SDF4: variants seen among roughly 807,000 people sequenced by gnomAD.
SDF4 encodes the protein 45 kDa calcium-binding protein.
A neutral mutation model predicts 34.2 loss-of-function variants in SDF4; 22 were observed. The observed-to-expected ratio is 0.64, with a 90% CI of 0.46 to 0.92. The LOEUF (loss-of-function observed/expected upper bound fraction) is 0.92. SDF4 is among the 40% of genes least tolerant of loss of function. The probability of loss-of-function intolerance (pLI) is 0.00; values close to 1 mark genes in which losing one functional copy is unlikely to be tolerated. For missense variants in SDF4, 447 were observed against 499.9 expected (o/e 0.89, Z 1.01); for synonymous variants, 236 against 203.1 (o/e 1.16, Z -1.38).
chr1:1,221,136 C>T (rs1053022498), intron 4 of SDF4: 2 of 257,740 alleles, frequency 7.8e-6, no homozygotes, highest in Non-Finnish European at 7.7e-6. Context: ...ACGGACAGGA[C>T]CAAACTCCAG....
At position 1,217,843 on chromosome 1, in the gene SDF4, A is replaced by G; in HGVS notation, c.892-155T>C. 2.6e-6 allele frequency: 4 copies of G among 1,529,998 alleles called. No homozygotes were observed. Among genetic ancestry groups the G allele is most frequent in the Non-Finnish European group, 3.5e-6 (4 of 1,143,628 alleles). 94.8% of individuals were successfully genotyped at this position (1,529,998 alleles called of 1,614,324 possible). ...GAAGGGAGGCGGCACAAATGAAAAC[A>G]CAGGGCAGGGAGAAGCCGGGGGCCC... is the stretch of plus-strand genomic sequence containing the variant. On this transcript the variant is annotated intron_variant, in intron 6 of 6. Coordinates refer to ENST00000360001, the MANE Select transcript of SDF4 (RefSeq NM_016176.6). This position sits in a 1 kb window ranked among gnomAD's most constrained non-coding sequence, Gnocchi z 8.5.
At chr1:1,221,555 T>C (rs989426961) in intron 4 of SDF4, among the ~76,000 whole-genome samples, 1 of 151,946 alleles carries the variant, frequency 6.6e-6, no homozygotes, top group Non-Finnish European at 1.5e-5. Context: ...GAGGATAGAT[T>C]GAGCCCAGGA....
Position 1,218,603 on chromosome 1 carries a change from G to A in SDF4, c.746C>T (p.Pro249Leu). 6.2e-7 allele frequency: 1 copy of A among 1,613,992 alleles called. No individual in the cohort carries two copies. Among genetic ancestry groups the A allele is most frequent in the Non-Finnish European group, 8.5e-7 (1 of 1,179,940 alleles). The change falls in exon 6 of 7, where the codon CCC (proline) becomes CTC (leucine). Residue 249 changes from proline (P) to leucine (L), a missense_variant. Pro to Leu is a moderately conservative substitution (Grantham distance 98, BLOSUM62 -3). Coordinates refer to ENST00000360001, the MANE Select transcript of SDF4 (RefSeq NM_016176.6). This position sits in a 1 kb window ranked among gnomAD's most constrained non-coding sequence, Gnocchi z 7.9. ...DQDGDKQLSV[P>L]EFISLPVGTV... ...GCCCACGGGCAGGGAGATGAACTCG[G>A]GCACAGAGAGCTGCTTGTCACCGTC... is the stretch of plus-strand genomic sequence containing the variant.
intron 2 of SDF4, among the ~76,000 whole-genome samples, chr1:1,227,528 C>T (rs1638349940): frequency 6.6e-6 from 1 of 152,158 alleles, no homozygotes; most frequent in Admixed American, 6.5e-5. Context: ...GCCCAGGTCT[C>T]GCAGGTCCCA....
At chr1:1,228,330 C>G in intron 2 of SDF4, 138 bp downstream of exon 2, 1 of 958,904 alleles carries the variant, frequency 1.0e-6, no homozygotes, top group Non-Finnish European at 1.5e-6. Context: ...GGAAGTGGCG[C>G]TCATCACCGG....
At chr1:1,224,626 T>C (rs1019262535) in intron 2 of SDF4, among the ~76,000 whole-genome samples, 6 of 152,134 alleles carry the variant, frequency 3.9e-5, no homozygotes, top group Admixed American at 6.5e-5. Flanking sequence ...AAAACCTTCA[T>C]ATAGGCAGGA....
rs774720570 is a variant in SDF4, at chr1:1,228,487, G to C, written c.286C>G (p.Leu96Val). The C allele has an allele frequency of 1.2e-6, 2 of 1,606,940 alleles. No individual in the cohort carries two copies. The highest frequency in any genetic ancestry group is 8.5e-7 in the Non-Finnish European group (1 of 1,175,640). ...DAEPRRSRRK[L>V]MVIFSKVDVN... ...ACCTACTTGGAAAAGATGACCATCA[G>C]CTTCCTCCGGCTCCGCCGCGGCTCC... The change falls in exon 2 of 7, where the codon CTG becomes GTG. Residue 96 changes from leucine to valine, a missense_variant. Coordinates refer to ENST00000360001, the MANE Select transcript of SDF4 (RefSeq NM_016176.6).
At chr1:1,222,059 C>G (rs1436794324) in intron 4 of SDF4, among the ~76,000 whole-genome samples, 1 of 152,246 alleles carries the variant, frequency 6.6e-6, no homozygotes, top group East Asian at 1.9e-4. Context: ...CCCAGCCTGC[C>G]AGGAGCAGCC....
intron 1 of SDF4, among the ~76,000 whole-genome samples, chr1:1,229,731 A>C (rs1298168605): frequency 6.6e-6 from 1 of 152,052 alleles, no homozygotes. Flanking sequence ...GAGATCTATG[A>C]CCTTAGCTAA....
chr1:1,225,690 G>A (rs373283156), intron 2 of SDF4, among the ~76,000 whole-genome samples: 14 of 151,774 alleles, frequency 9.2e-5, no homozygotes, highest in African/African-American at 2.4e-4. Context: ...CGCTCCACAC[G>A]CGCCACAGAC....
rs113457785 is a variant in SDF4 at position 1,218,928 on chromosome 1, C to T, written c.557-1G>A. ...TTCAGGTTCTCCAGGACTTCCTGTG[C>T]TGAGAGGGGCGCAGCCTGTGGGTAT... On this transcript the variant is annotated splice_acceptor_variant, in intron 4 of 6. Coordinates refer to ENST00000360001, the MANE Select transcript of SDF4 (RefSeq NM_016176.6). LOFTEE classifies it high-confidence loss of function. This position sits in a 1 kb window ranked among gnomAD's most constrained non-coding sequence, Gnocchi z 7.9. The T allele has an allele frequency of 6.2e-7, 1 of 1,608,846 alleles. No homozygotes were observed. The highest frequency in any genetic ancestry group is 8.5e-7 in the Non-Finnish European group (1 of 1,177,668).
At position 1,228,784 on chromosome 1, in the gene SDF4, G is replaced by A; in HGVS notation, c.-12C>T. 6.3e-7 allele frequency: 1 copy of A among 1,597,038 alleles called. No individual in the cohort carries two copies. The highest frequency in any genetic ancestry group is 8.5e-7 in the Non-Finnish European group (1 of 1,174,604). ...CACCTGGACGCCATCGCCACCCAGG[G>A]CCAGACCATGGGGCGGGCTGCAGGG... On this transcript the variant is annotated 5_prime_UTR_variant, in exon 2 of 7. Coordinates refer to ENST00000360001, the MANE Select transcript of SDF4 (RefSeq NM_016176.6).
chr1:1,223,423 T>A, intron 3 of SDF4, 66 bp from the exon 4 acceptor site: 28 of 1,169,832 alleles, frequency 2.4e-5, no homozygotes, highest in Non-Finnish European at 3.1e-5. Flanking sequence ...TCAACTGAGA[T>A]GGGGTCTTGC....
chr1:1,217,452 A>G lies in SDF4; in HGVS notation c.*60T>C. 7.4e-7 allele frequency: 1 copy of G among 1,346,632 alleles called. No homozygotes were observed. The highest frequency in any genetic ancestry group is 3.3e-5 in the East Asian group (1 of 30,714). 83.4% of individuals were successfully genotyped at this position (1,346,632 alleles called of 1,614,324 possible). A position where few individuals can be genotyped will look rare whatever the true frequency, so the allele number is the denominator to read the frequency against. Reference sequence around the variant, plus strand: ...GGTCCGGGACAGCCACGGAGCCCGGAGTCACCCGCGAGGCCGCCCCGGTGG... The same window carrying G: ...GGTCCGGGACAGCCACGGAGCCCGGGGTCACCCGCGAGGCCGCCCCGGTGG... On this transcript the variant is annotated 3_prime_UTR_variant, in exon 7 of 7. Transcript: ENST00000360001. The surrounding 1 kb of genome is among the most constrained non-coding windows in gnomAD (Gnocchi z 8.5).
chr1:1,224,033 G>A (rs113128280), intron 2 of SDF4, 65 bp from the exon 3 acceptor site: 40 of 1,591,220 alleles, frequency 2.5e-5, no homozygotes, highest in African/African-American at 6.7e-5. Flanking sequence ...ACAGCCAGAC[G>A]GATGCCGCCG....
chr1:1,218,994 G>A lies in SDF4; in HGVS notation c.557-67C>T, dbSNP rs74505695. On this transcript the variant is annotated intron_variant, in intron 4 of 6. Coordinates refer to ENST00000360001, the MANE Select transcript of SDF4 (RefSeq NM_016176.6). This position sits in a 1 kb window ranked among gnomAD's most constrained non-coding sequence, Gnocchi z 7.9. ...CCAGCACGCAAATCCAGAAAGTTCCGAGAGGTGCTGCCTGAACTCGAGGGA... is the reference window on the plus strand; with the variant it reads ...CCAGCACGCAAATCCAGAAAGTTCCAAGAGGTGCTGCCTGAACTCGAGGGA... 12,782 of 1,612,106 alleles carry A rather than the reference G, an allele frequency of 7.9e-3. 63 individuals are homozygous for A. Among genetic ancestry groups the A allele is most frequent in the Non-Finnish European group, 9.9e-3 (11,646 of 1,179,698 alleles).
At chr1:1,224,090 C>T in intron 2 of SDF4, 122 bp from the exon 3 acceptor site, 1 of 1,512,176 alleles carries the variant, frequency 6.6e-7, no homozygotes, top group African/African-American at 1.4e-5. Context: ...CAGCGACAGG[C>T]TCCACCAGGC....
At chr1:1,228,101 G>A (rs927343409) in intron 2 of SDF4, among the ~76,000 whole-genome samples, 8 of 152,202 alleles carry the variant, frequency 5.3e-5, no homozygotes, top group Non-Finnish European at 7.3e-5. Flanking sequence ...GCCAGGCCTC[G>A]TCCAACTGGG....
rs1638392203 is a variant in SDF4 at position 1,228,670 on chromosome 1, A to AG, written c.102dup (p.Ser35LeufsTer14). On this transcript the variant is annotated frameshift_variant, in exon 2 of 7. Transcript: ENST00000360001. LOFTEE classifies it high-confidence loss of function. ...TTGGCTACTCTCTCTCGAGTGGACG[A>AG]GTGGTTGGCAGGCCGTGCAGACGCG... 5 of 1,612,842 alleles carry AG rather than the reference A, an allele frequency of 3.1e-6. No individual in the cohort carries two copies. The highest frequency in any genetic ancestry group is 4.2e-6 in the Non-Finnish European group (5 of 1,179,998).
Sources: allele counts gnomAD v4.1 joint callset (sites outside exome capture counted in the v4.1 genomes callset), GRCh38; gene constraint gnomAD v4.1.1; non-coding constraint Gnocchi (gnomAD v3.1); transcripts MANE v1.5; gene names NCBI Gene and HGNC (gene_info 2026-07-23, HGNC 2026-07-21).